Variants in NDST3 observed in about 807,000 individuals in gnomAD.
The protein encoded by NDST3 is bifunctional heparan sulfate N-deacetylase/N-sulfotransferase 3.
A neutral mutation model predicts 96.1 loss-of-function variants in NDST3; 58 were observed. The ratio of observed to expected loss-of-function variants is 0.60; its 90% CI spans 0.49 to 0.75. NDST3 has a LOEUF of 0.75. Ranked by LOEUF, NDST3 falls within the 30% of genes least tolerant of loss-of-function variation. NDST3 has a pLI of 0.00. For synonymous variants in NDST3, 333 were observed against 359.7 expected (o/e 0.93, Z 0.84); for missense variants, 788 against 1,034.2 (o/e 0.76, Z 3.27).
chr4:118,255,131 T>C (rs929345996), intron 13 of NDST3, among the ~76,000 whole-genome samples: 2 of 152,214 alleles, frequency 1.3e-5, no homozygotes, highest in South Asian at 2.1e-4. Context: ...ATATCTTTCT[T>C]AGCATTTTGT....
At chr4:118,034,082 T>C (rs1275198005), upstream of NDST3, among the ~76,000 whole-genome samples, 1 of 152,238 alleles carries the variant, frequency 6.6e-6, no homozygotes, top group African/African-American at 2.4e-5. Context: ...TTCTCCTGTT[T>C]TAAATAAGTT....
intron 6 of NDST3, among the ~76,000 whole-genome samples, chr4:118,203,895 G>A (rs2125981930): frequency 6.6e-6 from 1 of 152,124 alleles, no homozygotes; most frequent in Admixed American, 6.5e-5. Context: ...AAAAACAAAG[G>A]AGGTAGAACA....
chr4:118,236,590 TAGAAA>T (rs1340316327), intron 9 of NDST3, among the ~76,000 whole-genome samples: 1 of 152,240 alleles, frequency 6.6e-6, no homozygotes, highest in African/African-American at 2.4e-5. Context: ...AATACATTTG[TAGAAA>T]AGAAATTATT....
intron 6 of NDST3, among the ~76,000 whole-genome samples, chr4:118,149,655 G>A (rs1734236013): frequency 6.6e-6 from 1 of 151,124 alleles, no homozygotes; most frequent in South Asian, 2.1e-4. Context: ...GAGATTTTGG[G>A]CTGAGACAAT....
intron 6 of NDST3, among the ~76,000 whole-genome samples, chr4:118,167,941 T>C (rs1490425469): frequency 6.6e-6 from 1 of 152,054 alleles, no homozygotes; most frequent in Non-Finnish European, 1.5e-5. Context: ...AAGTAAGACC[T>C]GACACTGTAA....
At chr4:118,173,359 C>A (rs2125940015) in intron 6 of NDST3, among the ~76,000 whole-genome samples, 1 of 152,194 alleles carries the variant, frequency 6.6e-6, no homozygotes, top group African/African-American at 2.4e-5. Flanking sequence ...CTACCCCTGG[C>A]CCATGCTCAT....
At chr4:118,186,979 C>G (rs1270922378) in intron 6 of NDST3, among the ~76,000 whole-genome samples, 1 of 152,160 alleles carries the variant, frequency 6.6e-6, no homozygotes, top group Non-Finnish European at 1.5e-5. Flanking sequence ...ATGAGGGAGA[C>G]TACTATTATG....
At chr4:118,214,400 A>C (rs1415377729) in intron 6 of NDST3, among the ~76,000 whole-genome samples, 1 of 152,204 alleles carries the variant, frequency 6.6e-6, no homozygotes, top group Non-Finnish European at 1.5e-5. Flanking sequence ...CTTCATATTT[A>C]AAAATGAGAA....
At chr4:118,156,266 T>A (rs532907696) in intron 6 of NDST3, among the ~76,000 whole-genome samples, 1 of 152,286 alleles carries the variant, frequency 6.6e-6, no homozygotes, top group Non-Finnish European at 1.5e-5. Flanking sequence ...TCCTGCAAAT[T>A]TGAACTCATA....
intron 1 of NDST3, among the ~76,000 whole-genome samples, chr4:118,036,680 A>G (rs535858892): frequency 2.6e-5 from 4 of 152,344 alleles, no homozygotes; most frequent in African/African-American, 9.6e-5. Flanking sequence ...GTTTGTTTAT[A>G]GTAAAAAACT....
intron 12 of NDST3, among the ~76,000 whole-genome samples, chr4:118,243,207 T>C (rs958107801): frequency 6.6e-6 from 1 of 152,258 alleles, no homozygotes; most frequent in African/African-American, 2.4e-5. Context: ...AGTTTTCCCT[T>C]TTTTTGTACT....
At chr4:118,181,318 G>T (rs1736594490) in intron 6 of NDST3, among the ~76,000 whole-genome samples, 1 of 152,106 alleles carries the variant, frequency 6.6e-6, no homozygotes, top group South Asian at 2.1e-4. Context: ...AAGGAAACTG[G>T]ATGGAAGATA....
chr4:118,169,853 T>C (rs547387456), intron 6 of NDST3, among the ~76,000 whole-genome samples: 5 of 150,938 alleles, frequency 3.3e-5, no homozygotes, highest in Non-Finnish European at 5.9e-5. Context: ...TCTCATGAGG[T>C]TGCAGTCAGA....
intron 4 of NDST3, among the ~76,000 whole-genome samples, chr4:118,115,235 T>G (rs1730992146): frequency 6.6e-6 from 1 of 152,166 alleles, no homozygotes; most frequent in Admixed American, 6.5e-5. Context: ...ATGGCTCCTG[T>G]CCAGAAGGAG....
chr4:118,238,120 GAA>G (rs1491269451), intron 10 of NDST3, among the ~76,000 whole-genome samples: 1 of 101,012 alleles, frequency 9.9e-6, no homozygotes, highest in Non-Finnish European at 2.1e-5. Context: ...TCTGTCAAAA[GAA>G]GAGAGAGAGA....
intron 2 of NDST3, among the ~76,000 whole-genome samples, chr4:118,073,244 T>C (rs977897709): frequency 6.6e-6 from 1 of 152,142 alleles, no homozygotes; most frequent in Non-Finnish European, 1.5e-5. Flanking sequence ...TCTCATAAGA[T>C]AAGTTAAGGA....
intron 6 of NDST3, among the ~76,000 whole-genome samples, chr4:118,176,870 T>G (rs182384448): frequency 3.0e-4 from 45 of 152,084 alleles, no homozygotes; most frequent in Non-Finnish European, 2.9e-4. Flanking sequence ...CAACTTGAAA[T>G]TTGAAAGTAA....
intron 2 of NDST3, among the ~76,000 whole-genome samples, chr4:118,068,618 G>T (rs1325545814): frequency 1.3e-5 from 2 of 151,758 alleles, no homozygotes; most frequent in Non-Finnish European, 2.9e-5. Context: ...TGGTAGATCA[G>T]GGGGAAGTGA....
chr4:118,090,609 C>T (rs904674786), intron 2 of NDST3, among the ~76,000 whole-genome samples: 24 of 151,910 alleles, frequency 1.6e-4, no homozygotes, highest in Admixed American at 1.4e-3. Context: ...AAATACAAAA[C>T]ATGATGCTGA....
Sources: allele counts gnomAD v4.1 joint callset (sites outside exome capture counted in the v4.1 genomes callset), GRCh38; gene constraint gnomAD v4.1.1; transcripts MANE v1.5; gene names NCBI Gene and HGNC (gene_info 2026-07-23, HGNC 2026-07-21).